ROBO1: variants seen among roughly 807,000 people sequenced by gnomAD.
ROBO1 encodes the protein roundabout guidance receptor 1, also known as roundabout homolog 1.
In ROBO1, 149 loss-of-function variants were observed where a neutral mutation model predicts 195.9. The ratio of observed to expected loss-of-function variants is 0.76; its 90% confidence interval spans 0.67 to 0.87. The LOEUF (loss-of-function observed/expected upper bound fraction) is 0.87, where lower values mean the gene tolerates loss of function less well. ROBO1 is among the 40% of genes least tolerant of loss of function. The probability of loss-of-function intolerance (pLI) is 0.00; values close to 1 mark genes in which losing one functional copy is unlikely to be tolerated. For missense variants in ROBO1, 1,933 were observed against 2,068.3 expected (o/e 0.93, Z 1.27); for synonymous variants, 816 against 733.2 (o/e 1.11, Z -1.82).
intron 26 of ROBO1, among the ~76,000 whole-genome samples, chr3:78,625,001 G>A (rs1704675982): frequency 6.6e-6 from 1 of 152,156 alleles, no homozygotes; most frequent in Admixed American, 6.5e-5. Context: ...AGTAAATAAA[G>A]GGAAAAGGAT....
chr3:79,717,564 T>C (rs543681143), intron 1 of ROBO1, among the ~76,000 whole-genome samples: 15 of 152,114 alleles, frequency 9.9e-5, no homozygotes, highest in African/African-American at 3.4e-4. Flanking sequence ...TAGAAAATAA[T>C]TTGAGAAAAC....
intron 1 of ROBO1, among the ~76,000 whole-genome samples, chr3:79,590,438 T>G (rs1457942497): frequency 6.6e-6 from 1 of 151,800 alleles, no homozygotes; most frequent in Admixed American, 6.6e-5. Flanking sequence ...TGAGGCCACT[T>G]TAATTATGTG....
intron 4 of ROBO1, among the ~76,000 whole-genome samples, chr3:78,861,169 C>T (rs2106995359): frequency 6.6e-6 from 1 of 152,256 alleles, no homozygotes; most frequent in East Asian, 1.9e-4. Flanking sequence ...AACTCCTTAT[C>T]TTCTCACTCA....
intron 3 of ROBO1, among the ~76,000 whole-genome samples, chr3:79,049,450 T>A (rs1171437315): frequency 6.6e-6 from 1 of 152,064 alleles, no homozygotes; most frequent in Non-Finnish European, 1.5e-5. Flanking sequence ...ATGGAGAGAA[T>A]GAAACCAAGT....
chr3:79,103,702 G>T (rs1453803874), intron 3 of ROBO1, among the ~76,000 whole-genome samples: 6 of 151,282 alleles, frequency 4.0e-5, no homozygotes, highest in Admixed American at 1.3e-4. Flanking sequence ...ACAACACTTT[G>T]ACTAAGAAAA....
chr3:78,731,404 ATCAG>A (rs1242539399), intron 5 of ROBO1, among the ~76,000 whole-genome samples: 2 of 152,146 alleles, frequency 1.3e-5, no homozygotes, highest in Non-Finnish European at 2.9e-5. Flanking sequence ...TAGAAGTTAT[ATCAG>A]TCAGTGTGAA....
intron 4 of ROBO1, among the ~76,000 whole-genome samples, chr3:78,895,855 A>G (rs1327568529): frequency 6.6e-6 from 1 of 152,238 alleles, no homozygotes; most frequent in Non-Finnish European, 1.5e-5. Context: ...CTACTTGGCA[A>G]GAGAAGTAAA....
rs1186393065 is a variant in ROBO1, at chr3:78,676,178, A to G, written c.1343-5877T>C. On this transcript the variant is annotated intron_variant, in intron 10 of 30. Transcript: ENST00000464233. The stretch of plus-strand genomic sequence containing the variant: ...ATCCACACCAAAAACCCATCTATAC[A>G]TCACCATCATCAAAGACCAAAAGTA... Among the ~76,000 whole-genome samples the G allele has an allele frequency of 2.6e-5, 4 of 152,280 alleles. No individual in the cohort carries two copies. In the East Asian group the frequency reaches 5.8e-4, roughly 22 times the overall value.
chr3:79,759,784 G>GA (rs1483276022), intron 1 of ROBO1, among the ~76,000 whole-genome samples: 1 of 152,144 alleles, frequency 6.6e-6, no homozygotes, highest in African/African-American at 2.4e-5. Flanking sequence ...ACAATAACCA[G>GA]AAACAAGTGT....
intron 4 of ROBO1, among the ~76,000 whole-genome samples, chr3:78,886,717 C>T (rs561734081): frequency 6.6e-6 from 1 of 151,940 alleles, no homozygotes; most frequent in African/African-American, 2.4e-5. Flanking sequence ...TATGAATCTC[C>T]AAAACATAAT....
chr3:78,646,142 AATT>A lies in ROBO1; in HGVS notation c.2882+3_2882+5del. ...GTAGGATCTACAAAACAAGCAAGAT[AATT>A]ACCTCCCTCCACTGCTGACAGCTTC... On this transcript the variant is annotated splice_donor_5th_base_variant and intron_variant, in intron 21 of 30. Transcript: ENST00000464233. 6.2e-7 allele frequency: 1 copy of A among 1,605,770 alleles called. No homozygotes were observed. The highest frequency in any genetic ancestry group is 8.5e-7 in the Non-Finnish European group (1 of 1,174,066).
chr3:78,886,589 A>G (rs968486335), intron 4 of ROBO1, among the ~76,000 whole-genome samples: 6 of 151,902 alleles, frequency 3.9e-5, no homozygotes, highest in African/African-American at 1.2e-4. Flanking sequence ...GTGAGACTCC[A>G]TCTCAAAGAA....
chr3:79,100,625 G>A (rs2079658570), intron 3 of ROBO1, among the ~76,000 whole-genome samples: 1 of 151,708 alleles, frequency 6.6e-6, no homozygotes, highest in African/African-American at 2.4e-5. Flanking sequence ...GGGTCAGAAC[G>A]CTGAAATAAT....
chr3:78,948,648 T>C (rs1048930305), intron 3 of ROBO1, among the ~76,000 whole-genome samples: 16 of 152,130 alleles, frequency 1.1e-4, no homozygotes, highest in African/African-American at 3.9e-4. Context: ...CAACATAGTG[T>C]TGGAAGTTCT....
At chr3:78,649,529 C>T (rs550409273) in intron 19 of ROBO1, among the ~76,000 whole-genome samples, 14 of 152,220 alleles carry the variant, frequency 9.2e-5, no homozygotes, top group Non-Finnish European at 1.6e-4. Flanking sequence ...TACACTCTGG[C>T]TTGATGTTTT....
chr3:78,740,211 G>A (rs2082492279), intron 5 of ROBO1, among the ~76,000 whole-genome samples: 1 of 151,938 alleles, frequency 6.6e-6, no homozygotes, highest in South Asian at 2.1e-4. Context: ...AAATTGACAA[G>A]TATAAGTGTA....
At chr3:79,233,069 A>G (rs2082348367) in intron 2 of ROBO1, among the ~76,000 whole-genome samples, 1 of 152,148 alleles carries the variant, frequency 6.6e-6, no homozygotes, top group South Asian at 2.1e-4. Context: ...AAAGAATGTA[A>G]TAAAACAAAA....
chr3:79,624,870 C>T (rs1677458995), intron 1 of ROBO1, among the ~76,000 whole-genome samples: 1 of 152,166 alleles, frequency 6.6e-6, no homozygotes. Flanking sequence ...CTACAGAACT[C>T]TCAATCCCAA....
At chr3:79,497,636 A>AT (rs1939823404) in intron 2 of ROBO1, among the ~76,000 whole-genome samples, 2 of 152,212 alleles carry the variant, frequency 1.3e-5, no homozygotes, top group Admixed American at 1.3e-4. Flanking sequence ...TTAAAATTTG[A>AT]TTATCCCCCT....
Sources: allele counts gnomAD v4.1 joint callset (sites outside exome capture counted in the v4.1 genomes callset), GRCh38; gene constraint gnomAD v4.1.1; transcripts MANE v1.5; gene names NCBI Gene and HGNC (gene_info 2026-07-23, HGNC 2026-07-21).